Variants in JKAMP observed in about 807,000 individuals in gnomAD.
JKAMP encodes the protein JNK1/MAPK8-associated membrane protein.
JKAMP carries 20 observed loss-of-function variants against 40.2 expected under a neutral mutation model. The ratio of observed to expected loss-of-function variants is 0.50; its 90% CI spans 0.35 to 0.72. The LOEUF is 0.72. Ranked by LOEUF, JKAMP falls within the 30% of genes least tolerant of loss-of-function variation. The pLI is 0.01. For synonymous variants in JKAMP, 138 were observed against 131.6 expected, an observed-to-expected ratio of 1.05 and a Z score of -0.33; for missense variants, 276 against 373.0, an observed-to-expected ratio of 0.74 and a Z score of 2.14.
At chr14:59,485,914 C>G (rs1030116636) in intron 1 of JKAMP, 1 of 152,108 alleles carries the variant, frequency 6.6e-6, no homozygotes, top group Non-Finnish European at 1.5e-5. Flanking sequence ...CCTCACCGAG[C>G]CTGTTTGTTT....
intron 4 of JKAMP, among the ~76,000 whole-genome samples, chr14:59,495,621 G>T (rs1381083014): frequency 6.6e-6 from 1 of 152,122 alleles, no homozygotes; most frequent in African/African-American, 2.4e-5. Flanking sequence ...ATGCAATTAT[G>T]CCAGACTATT....
At chr14:59,487,558 G>T (rs1047243882) in intron 2 of JKAMP, 116 bp from the exon 3 acceptor site, 45 of 718,724 alleles carry the variant, frequency 6.3e-5, no homozygotes, top group Middle Eastern at 5.3e-4. Context: ...TCTAAAAGCT[G>T]CACATGTAAA....
chr14:59,498,881 C>G lies in JKAMP; in HGVS notation c.613C>G (p.Leu205Val). 1 of 1,609,536 alleles carries G rather than the reference C, an allele frequency of 6.2e-7. No individual in the cohort carries two copies. The highest frequency in any genetic ancestry group is 8.5e-7 in the Non-Finnish European group (1 of 1,177,840). ...ALYFFPILTV[L>V]QAVGGGLLYY... ...TTACTTCTTCCCAATTTTAACCGTG[C>G]TTCAGGCAGTTGGTGGAGGCCTTTT... The change falls in exon 5 of 7, where the codon CTT becomes GTT. Residue 205 changes from leucine (L) to valine (V), a missense_variant. Transcript: ENST00000616435.
At chr14:59,484,676 T>C (rs563754331) in intron 1 of JKAMP, 83 bp downstream of exon 1, 15 of 1,497,006 alleles carry the variant, frequency 1.0e-5, no homozygotes, top group African/African-American at 2.8e-5. Flanking sequence ...CTCGGCTCTT[T>C]GTAGGCGGCC....
rs555006328 is a variant in JKAMP, at chr14:59,499,735, G to A, written c.640+827G>A. Among the ~76,000 whole-genome samples the A allele has an allele frequency of 5.9e-4, 90 of 152,220 alleles. 2 individuals are homozygous for A. In the South Asian group the frequency reaches 0.018, roughly 30 times the overall value. On this transcript the variant is annotated intron_variant, in intron 5 of 6. Transcript: ENST00000616435. ...AGTTTGGGAATGTAATTTGGTTCAA[G>A]GTGATGGTGGGGCTTGAGGGTAAGA...
Position 59,487,776 on chromosome 14 carries a change from C to A in JKAMP, c.199C>A (p.Leu67Ile). The change falls in exon 3 of 7, where the codon CTT (leucine) becomes ATT (isoleucine). Residue 67 changes from leucine to isoleucine, a missense_variant. Transcript: ENST00000616435. ...GCTCTATCTTGGATTTATGGCAATG[C>A]TTCCTCTGGTTTTACATTGGTTCTT... ...DWLYLGFMAM[L>I]PLVLHWFFIE... 1 of 1,613,502 alleles carries A rather than the reference C, an allele frequency of 6.2e-7. No individual in the cohort carries two copies. Among genetic ancestry groups the A allele is most frequent in the Non-Finnish European group, 8.5e-7 (1 of 1,179,566 alleles).
rs554919352 is a variant in JKAMP, at chr14:59,503,961, G to A, written c.825G>A (p.Glu275=). Residue 275 remains glutamate (E), a synonymous_variant, in exon 7 of 7, where the codon GAG becomes GAA. Transcript: ENST00000616435. Reference sequence around the variant, plus strand: ...CCATTTCCAGAGTGGATAAACTTGAGCAAGATTTGCCCCTTTTGGCTTTGG... The same window carrying A: ...CCATTTCCAGAGTGGATAAACTTGAACAAGATTTGCCCCTTTTGGCTTTGG... ...IISISRVDKL[E]QDLPLLALVP... 2.7e-5 allele frequency: 44 copies of A among 1,613,640 alleles called. No homozygotes were observed. Among genetic ancestry groups the A allele is most frequent in the Middle Eastern group, 3.3e-4 (2 of 6,060 alleles).
intron 1 of JKAMP, chr14:59,485,230 A>G (rs749277034): frequency 2.6e-5 from 30 of 1,138,614 alleles, no homozygotes; most frequent in Non-Finnish European, 3.6e-5. Flanking sequence ...CATCTACTAG[A>G]TGTAAAGCCC....
In JKAMP at chr14:59,484,600, G is replaced by A; in HGVS notation, c.4+7G>A. 1.3e-6 allele frequency: 2 copies of A among 1,579,270 alleles called. No individual in the cohort carries two copies. Among genetic ancestry groups the A allele is most frequent in the Non-Finnish European group, 1.7e-6 (2 of 1,162,894 alleles). On this transcript the variant is annotated splice_region_variant and intron_variant, in intron 1 of 6. Transcript: ENST00000616435. ...ACCTTCAGGCGGCCCATGGGTGAGT[G>A]GTCGCCAAGATCCCGGGAAGCGTTT... is the stretch of plus-strand genomic sequence containing the variant.
At chr14:59,494,720 C>T (rs1447931192) in intron 3 of JKAMP, among the ~76,000 whole-genome samples, 1 of 152,026 alleles carries the variant, frequency 6.6e-6, no homozygotes. Context: ...CGTTACATAC[C>T]ATCTTTTATG....
In JKAMP at chr14:59,498,709, CTT is replaced by C; in HGVS notation, c.459-16_459-15del. 2.3e-6 allele frequency: 3 copies of C among 1,287,902 alleles called. No homozygotes were observed. Among genetic ancestry groups the C allele is most frequent in the Non-Finnish European group, 3.2e-6 (3 of 926,908 alleles). 79.8% of individuals were successfully genotyped at this position (1,287,902 alleles called of 1,614,324 possible). A position where few individuals can be genotyped will look rare whatever the true frequency, so the allele number is the denominator to read the frequency against. ...TAAAACATTTTTGATGTTACAAATT[CTT>C]TATTTTATTTTACAGATATACCATT... On this transcript the variant is annotated splice_polypyrimidine_tract_variant and intron_variant, in intron 4 of 6. Coordinates refer to ENST00000616435, the MANE Select transcript of JKAMP (RefSeq NM_016475.5).
At chr14:59,495,406 G>A in intron 4 of JKAMP, 182 bp downstream of exon 4, 1 of 571,676 alleles carries the variant, frequency 1.7e-6, no homozygotes, top group Non-Finnish European at 3.1e-6. Context: ...TGGTAAAATG[G>A]GAATAATGAT....
chr14:59,502,760 T>TG (rs760996086), intron 6 of JKAMP, among the ~76,000 whole-genome samples: 18 of 130,102 alleles, frequency 1.4e-4, no homozygotes, highest in Non-Finnish European at 2.6e-4. Context: ...ATTTTTTTTT[T>TG]TTTTTTTTTT....
At chr14:59,503,598 G>A (rs1892103883) in intron 6 of JKAMP, among the ~76,000 whole-genome samples, 1 of 152,134 alleles carries the variant, frequency 6.6e-6, no homozygotes, top group Admixed American at 6.5e-5. Flanking sequence ...CATAGACTAG[G>A]ACTTAAGAGA....
intron 4 of JKAMP, among the ~76,000 whole-genome samples, chr14:59,495,718 A>G (rs1594943796): frequency 6.6e-6 from 1 of 152,206 alleles, no homozygotes; most frequent in East Asian, 1.9e-4. Flanking sequence ...GGGGAAAGGG[A>G]AAATAGAAGT....
At chr14:59,489,153 G>A (rs1411239383) in intron 3 of JKAMP, among the ~76,000 whole-genome samples, 4 of 151,956 alleles carry the variant, frequency 2.6e-5, no homozygotes, top group Non-Finnish European at 4.4e-5. Flanking sequence ...TGGCCAGGCT[G>A]CACATTTTCC....
chr14:59,500,892 A>G (rs2139910706), intron 5 of JKAMP: 2 of 231,706 alleles, frequency 8.6e-6, no homozygotes, highest in South Asian at 1.5e-4. Context: ...TATTGTCCAT[A>G]AAGTTTTTAT....
At chr14:59,494,144 C>A (rs528601201) in intron 3 of JKAMP, among the ~76,000 whole-genome samples, 1 of 130,668 alleles carries the variant, frequency 7.7e-6, no homozygotes, top group Non-Finnish European at 1.6e-5. Context: ...GTGTGAGATA[C>A]ACACACATCT....
chr14:59,505,256 T>G lies in JKAMP; in HGVS notation c.*1184T>G. Reference sequence around the variant, plus strand: ...TCCTTGAGTTACTTTGTTAATGTATTTTTCTCAGTACATTTAACCACTGGG... The same window carrying G: ...TCCTTGAGTTACTTTGTTAATGTATGTTTCTCAGTACATTTAACCACTGGG... On this transcript the variant is annotated 3_prime_UTR_variant, in exon 7 of 7. Transcript: ENST00000616435. 6.7e-7 allele frequency: 1 copy of G among 1,498,834 alleles called. No homozygotes were observed. Among genetic ancestry groups the G allele is most frequent in the African/African-American group, 1.4e-5 (1 of 72,396 alleles). 92.8% of individuals were successfully genotyped at this position (1,498,834 alleles called of 1,614,324 possible). A position where few individuals can be genotyped will look rare whatever the true frequency, so the allele number is the denominator to read the frequency against.
Sources: allele counts gnomAD v4.1 joint callset (sites outside exome capture counted in the v4.1 genomes callset), GRCh38; gene constraint gnomAD v4.1.1; transcripts MANE v1.5; gene names NCBI Gene and HGNC (gene_info 2026-07-23, HGNC 2026-07-21).